The following JAZF1 variants were observed in gnomAD, a reference collection of about 807,000 sequenced individuals.
The protein encoded by JAZF1 is juxtaposed with another zinc finger protein 1.
In JAZF1, 8 loss-of-function variants were observed where a neutral mutation model predicts 26.4. The ratio of observed to expected loss-of-function variants is 0.30; its 90% confidence interval spans 0.18 to 0.55. The LOEUF (loss-of-function observed/expected upper bound fraction) is 0.55, where lower values mean the gene tolerates loss of function less well. JAZF1 is among the 20% of genes least tolerant of loss of function. The pLI is 0.94. For missense variants in JAZF1, 199 were observed against 322.0 expected, an observed-to-expected ratio of 0.62 and a Z score of 2.92; for synonymous variants, 126 against 122.3, an observed-to-expected ratio of 1.03 and a Z score of -0.20.
intron 1 of JAZF1, among the ~76,000 whole-genome samples, chr7:28,086,432 C>T (rs373725950): frequency 2.6e-5 from 4 of 152,160 alleles, no homozygotes; most frequent in African/African-American, 9.7e-5. Context: ...ACTGATAAAC[C>T]CCTTTAATAT....
chr7:27,954,253 C>T (rs1033287992), intron 2 of JAZF1, among the ~76,000 whole-genome samples: 1 of 152,198 alleles, frequency 6.6e-6, no homozygotes, highest in African/African-American at 2.4e-5. Flanking sequence ...TGCTGCCTTT[C>T]ACTATTTCCT....
At chr7:28,069,463 T>G (rs1258344126) in intron 1 of JAZF1, among the ~76,000 whole-genome samples, 1 of 152,202 alleles carries the variant, frequency 6.6e-6, no homozygotes, top group African/African-American at 2.4e-5. Context: ...CTGCCTCAAC[T>G]TCCTTCAGCC....
chr7:27,848,435 TAAAAAC>T (rs1783072914), intron 3 of JAZF1, among the ~76,000 whole-genome samples: 1 of 152,200 alleles, frequency 6.6e-6, no homozygotes, highest in South Asian at 2.1e-4. Flanking sequence ...CCTCTGTACT[TAAAAAC>T]AAAAATCAGT....
chr7:28,060,865 G>A (rs908366717), intron 1 of JAZF1, among the ~76,000 whole-genome samples: 4 of 152,108 alleles, frequency 2.6e-5, no homozygotes, highest in Non-Finnish European at 4.4e-5. Flanking sequence ...CTCTCTCTGG[G>A]TTTCCAAATT....
At chr7:27,981,347 A>G (rs1350883765) in intron 2 of JAZF1, among the ~76,000 whole-genome samples, 1 of 152,230 alleles carries the variant, frequency 6.6e-6, no homozygotes, top group Non-Finnish European at 1.5e-5. Context: ...CTGTGGGACA[A>G]CAAGCCTATC....
At chr7:27,845,696 CAA>C (rs796643520) in intron 3 of JAZF1, among the ~76,000 whole-genome samples, 11 of 51,104 alleles carry the variant, frequency 2.2e-4, no homozygotes, top group African/African-American at 3.3e-4. Flanking sequence ...GACTCTGCCT[CAA>C]AAAAAAAAAA....
At chr7:27,923,978 T>C (rs1784572759) in intron 2 of JAZF1, among the ~76,000 whole-genome samples, 1 of 152,164 alleles carries the variant, frequency 6.6e-6, no homozygotes, top group Admixed American at 6.5e-5. Context: ...GTGGGCCTTA[T>C]ACTTGGGCAC....
At chr7:27,892,077 C>T (rs900981617) in intron 3 of JAZF1, among the ~76,000 whole-genome samples, 8 of 152,154 alleles carry the variant, frequency 5.3e-5, no homozygotes, top group African/African-American at 1.9e-4. Context: ...AATTTTATAA[C>T]CTGGCAATGA....
At chr7:28,051,386 AT>A (rs1783614671) in intron 1 of JAZF1, among the ~76,000 whole-genome samples, 1 of 151,432 alleles carries the variant, frequency 6.6e-6, no homozygotes, top group Non-Finnish European at 1.5e-5. Context: ...CGCCTGGCTA[AT>A]TTTTTTGTAT....
At chr7:28,056,112 T>G (rs922837849) in intron 1 of JAZF1, among the ~76,000 whole-genome samples, 12 of 151,848 alleles carry the variant, frequency 7.9e-5, no homozygotes, top group Non-Finnish European at 1.6e-4. Flanking sequence ...GTCTTCACAG[T>G]GCAGGGGCTC....
intron 3 of JAZF1, among the ~76,000 whole-genome samples, chr7:27,852,040 T>A (rs2128334329): frequency 6.6e-6 from 1 of 152,118 alleles, no homozygotes; most frequent in Middle Eastern, 3.4e-3. Flanking sequence ...CAGTATGCAG[T>A]CAGTACAAGA....
At chr7:28,041,736 T>A (rs566340221) in intron 1 of JAZF1, among the ~76,000 whole-genome samples, 7 of 152,172 alleles carry the variant, frequency 4.6e-5, no homozygotes, top group African/African-American at 7.2e-5. Flanking sequence ...TATTAATAAA[T>A]CTTCAGAGAA....
chr7:27,949,496 G>C (rs1380412818), intron 2 of JAZF1, among the ~76,000 whole-genome samples: 2 of 152,236 alleles, frequency 1.3e-5, no homozygotes, highest in Non-Finnish European at 2.9e-5. Context: ...GAGCCACAAA[G>C]TGTGCTCTTG....
At chr7:28,076,915 C>T (rs1784060269) in intron 1 of JAZF1, among the ~76,000 whole-genome samples, 1 of 152,034 alleles carries the variant, frequency 6.6e-6, no homozygotes, top group Non-Finnish European at 1.5e-5. Context: ...GACTGCTTGT[C>T]AAGTGGGATT....
intron 1 of JAZF1, among the ~76,000 whole-genome samples, chr7:28,011,425 T>A (rs1259596802): frequency 6.6e-6 from 1 of 152,220 alleles, no homozygotes; most frequent in East Asian, 1.9e-4. Flanking sequence ...ATTAATCTCA[T>A]ATTTGGTTGG....
chr7:28,150,650 C>T (rs1474735534), intron 1 of JAZF1, among the ~76,000 whole-genome samples: 1 of 152,230 alleles, frequency 6.6e-6, no homozygotes, highest in African/African-American at 2.4e-5. Flanking sequence ...GGGCTTTCCT[C>T]TCCTAAGAGG....
intron 2 of JAZF1, among the ~76,000 whole-genome samples, chr7:27,973,984 C>T (rs6966465): frequency 0.41 from 62,726 of 151,932 alleles, 13,554 homozygotes; most frequent in African/African-American, 0.47. Flanking sequence ...AAAGGTAATA[C>T]ATTTGGTGCC....
intron 1 of JAZF1, among the ~76,000 whole-genome samples, chr7:28,100,050 C>T (rs1784448909): frequency 6.6e-6 from 1 of 152,150 alleles, no homozygotes; most frequent in Non-Finnish European, 1.5e-5. Flanking sequence ...TGCTTGCTTT[C>T]TTCTGTTAAT....
chr7:27,835,085 A>T (rs555310026), intron 4 of JAZF1, among the ~76,000 whole-genome samples: 1 of 152,196 alleles, frequency 6.6e-6, no homozygotes, highest in Non-Finnish European at 1.5e-5. Context: ...AAAATATTTC[A>T]TGTCCTTGTT....
Sources: gnomAD v4.1 joint callset for allele counts (sites outside exome capture counted in the v4.1 genomes callset) on GRCh38, gnomAD v4.1.1 for gene constraint, MANE v1.5 for transcripts, NCBI Gene and HGNC (gene_info 2026-07-23, HGNC 2026-07-21) for gene names.